Variants in CPSF3 observed in about 807,000 individuals in gnomAD.
CPSF3 encodes cleavage and polyadenylation specific factor 3.
In CPSF3, 57 loss-of-function variants were observed where a neutral mutation model predicts 84.1. The ratio of observed to expected loss-of-function variants is 0.68; its 90% CI spans 0.55 to 0.85. The LOEUF (loss-of-function observed/expected upper bound fraction) is 0.85, where lower values mean the gene tolerates loss of function less well. CPSF3 is among the 40% of genes least tolerant of loss of function. The probability of loss-of-function intolerance (pLI) is 0.00; values close to 1 mark genes in which losing one functional copy is unlikely to be tolerated. For missense variants in CPSF3, 522 were observed against 838.8 expected (o/e 0.62, Z 4.66); for synonymous variants, 275 against 278.1 (o/e 0.99, Z 0.11).
chr2:9,459,369 GTAT>G (rs1272308498), intron 14 of CPSF3, among the ~76,000 whole-genome samples, 159 bp from the exon 15 acceptor site: 1 of 152,136 alleles, frequency 6.6e-6, no homozygotes, highest in Non-Finnish European at 1.5e-5. Context: ...GAGGACTATA[GTAT>G]TATTAATTTC....
intron 14 of CPSF3, among the ~76,000 whole-genome samples, chr2:9,457,649 A>G (rs1304108087): frequency 6.6e-6 from 1 of 152,226 alleles, no homozygotes; most frequent in Non-Finnish European, 1.5e-5. Context: ...GAGTCCTATC[A>G]TTGAATAGTC....
intron 11 of CPSF3, among the ~76,000 whole-genome samples, chr2:9,450,448 C>T (rs1349058926): frequency 6.6e-6 from 1 of 151,956 alleles, no homozygotes; most frequent in Admixed American, 6.6e-5. Context: ...ACCCACCGTG[C>T]CCAGTCTGAG....
At chr2:9,466,816 GTGTTGTCACA>G (rs1681997467) in intron 15 of CPSF3, among the ~76,000 whole-genome samples, 2 of 152,106 alleles carry the variant, frequency 1.3e-5, no homozygotes, top group Admixed American at 1.3e-4. Flanking sequence ...AGTTTCATCC[GTGTTGTCACA>G]TAAATTGGTA....
intron 10 of CPSF3, 41 bp from the exon 11 acceptor site, chr2:9,448,157 A>G (rs749099276): frequency 8.2e-6 from 10 of 1,221,296 alleles, no homozygotes; most frequent in African/African-American, 4.6e-5. Flanking sequence ...ATTAAGCTGA[A>G]TGATGTTTCC....
chr2:9,457,054 A>G lies in CPSF3; in HGVS notation c.1698+27A>G. 1 of 1,348,336 alleles carries G rather than the reference A, an allele frequency of 7.4e-7. No homozygotes were observed. Among genetic ancestry groups the G allele is most frequent in the Non-Finnish European group, 1.0e-6 (1 of 965,242 alleles). 83.5% of individuals were successfully genotyped at this position (1,348,336 alleles called of 1,614,324 possible). A position where few individuals can be genotyped will look rare whatever the true frequency, so the allele number is the denominator to read the frequency against. On this transcript the variant is annotated intron_variant, in intron 14 of 17. Coordinates refer to ENST00000238112, the MANE Select transcript of CPSF3 (RefSeq NM_016207.4). ...TAAGAAAAGATCATTTACCTAAACA[A>G]TGAGGGGAAAAAAGTTTTAAAAAGA... is the stretch of plus-strand genomic sequence containing the variant.
At chr2:9,433,824 T>C in intron 5 of CPSF3, 47 bp from the exon 6 acceptor site, 7 of 1,329,280 alleles carry the variant, frequency 5.3e-6, no homozygotes, top group Non-Finnish European at 7.5e-6. Flanking sequence ...ACTAGCAAAA[T>C]GAAGCCTTCC....
chr2:9,472,879 CTT>C (rs1227419537), intron 17 of CPSF3, 35 bp from the exon 18 acceptor site: 12 of 1,307,324 alleles, frequency 9.2e-6, no homozygotes, highest in African/African-American at 2.9e-5. Flanking sequence ...TCATTATAGA[CTT>C]AATTCTAACA....
intron 16 of CPSF3, among the ~76,000 whole-genome samples, chr2:9,470,087 G>A (rs1274978656): frequency 6.6e-6 from 1 of 152,120 alleles, no homozygotes; most frequent in Non-Finnish European, 1.5e-5. Flanking sequence ...GCCAGGTGTG[G>A]TGGTGGGTGC....
intron 10 of CPSF3, among the ~76,000 whole-genome samples, chr2:9,445,400 AG>A (rs1351216424): frequency 3.9e-5 from 6 of 152,144 alleles, no homozygotes; most frequent in African/African-American, 1.4e-4. Context: ...GCAAATGTGA[AG>A]TGGTATCTCG....
At chr2:9,440,817 A>G in intron 8 of CPSF3, 151 bp downstream of exon 8, 1 of 720,892 alleles carries the variant, frequency 1.4e-6, no homozygotes, top group Non-Finnish European at 2.3e-6. Flanking sequence ...GGAGTTTGAG[A>G]CCGGCCTGGG....
chr2:9,449,721 G>A (rs1160955649), intron 11 of CPSF3, among the ~76,000 whole-genome samples: 7 of 152,096 alleles, frequency 4.6e-5, no homozygotes, highest in Non-Finnish European at 7.4e-5. Context: ...CAGCCTGGGT[G>A]ACAGAGCAAG....
At chr2:9,441,238 G>GT (rs1457975465) in intron 8 of CPSF3, among the ~76,000 whole-genome samples, 2 of 152,090 alleles carry the variant, frequency 1.3e-5, no homozygotes, top group African/African-American at 2.4e-5. Context: ...AAAAAATACT[G>GT]TTTAACTCGA....
In CPSF3 at chr2:9,432,520, A is replaced by C; in HGVS notation, c.351A>C (p.Ser117=). Residue 117 remains serine, a synonymous_variant, in exon 5 of 18, where the codon TCA becomes TCC. Coordinates refer to ENST00000238112, the MANE Select transcript of CPSF3 (RefSeq NM_016207.4). ...LSDYVKVSNI[S]ADDMLYTETD... is the part of the protein sequence containing the mutation. ...ATCTTTCAAAATTTAGTAACATATC[A>C]GCAGACGACATGCTGTATACCGAGA... 1 of 1,507,670 alleles carries C rather than the reference A, an allele frequency of 6.6e-7. No individual in the cohort carries two copies. Among genetic ancestry groups the C allele is most frequent in the Non-Finnish European group, 9.0e-7 (1 of 1,109,324 alleles). The allele number at this position is 1,507,670 out of a possible 1,614,324, so 93.4% of individuals were successfully genotyped here.
At position 9,443,639 on chromosome 2, in the gene CPSF3, G is replaced by A. The variant is rs575800648; in HGVS notation, c.1220G>A (p.Arg407His). Reference protein sequence around the residue: ...TDYQQTSEFIRALKPPHVILV... With the variant: ...TDYQQTSEFIHALKPPHVILV... The stretch of plus-strand genomic sequence containing the variant: ...TACCAGCAAACCAGTGAATTTATTC[G>A]TGCTTTGAAACCGCCTCATGTGGTT... The change falls in exon 10 of 18, where the codon CGT becomes CAT. Residue 407 changes from arginine to histidine, a missense_variant. Physicochemically the swap from Arg to His is conservative, Grantham distance 29. Transcript: ENST00000238112. The A allele has an allele frequency of 4.3e-6, 7 of 1,613,916 alleles. No individual in the cohort carries two copies. The highest frequency in any genetic ancestry group is 2.2e-5 in the East Asian group (1 of 44,876).
At chr2:9,435,299 T>C (rs1009609925) in intron 6 of CPSF3, among the ~76,000 whole-genome samples, 1 of 152,210 alleles carries the variant, frequency 6.6e-6, no homozygotes, top group Non-Finnish European at 1.5e-5. Flanking sequence ...CTTTGACTTA[T>C]CAGAGGTGGG....
intron 15 of CPSF3, among the ~76,000 whole-genome samples, chr2:9,466,418 A>G (rs951873660): frequency 1.3e-4 from 19 of 142,832 alleles, no homozygotes; most frequent in African/African-American, 2.2e-4. Flanking sequence ...GCACACACGC[A>G]CACGCGCACA....
chr2:9,424,342 A>G (rs1680260618), intron 1 of CPSF3: 3 of 785,288 alleles, frequency 3.8e-6, no homozygotes, highest in Non-Finnish European at 4.6e-6. Context: ...AGGCCCTAGT[A>G]GAATAAGGAA....
At chr2:9,458,685 A>C (rs1681618749) in intron 14 of CPSF3, among the ~76,000 whole-genome samples, 1 of 152,054 alleles carries the variant, frequency 6.6e-6, no homozygotes, top group Non-Finnish European at 1.5e-5. Flanking sequence ...TCATTCATTC[A>C]TTCATTCATT....
rs1009373554 is a variant in CPSF3, at chr2:9,441,981, G to A, written c.1095+5G>A. On this transcript the variant is annotated splice_donor_5th_base_variant and intron_variant, in intron 9 of 17. Transcript: ENST00000238112. Reference sequence around the variant, plus strand: ...GTAGAAGGGACACTTGCCAAGGTCAGTTACAGTCATAGGCTGTTGTGTTAT... The same window carrying A: ...GTAGAAGGGACACTTGCCAAGGTCAATTACAGTCATAGGCTGTTGTGTTAT... 6.2e-7 allele frequency: 1 copy of A among 1,614,072 alleles called. No individual in the cohort carries two copies. The highest frequency in any genetic ancestry group is 8.5e-7 in the Non-Finnish European group (1 of 1,179,940).
Sources: allele counts gnomAD v4.1 joint callset (sites outside exome capture counted in the v4.1 genomes callset), GRCh38; gene constraint gnomAD v4.1.1; transcripts MANE v1.5; gene names NCBI Gene and HGNC (gene_info 2026-07-23, HGNC 2026-07-21).